The following OPCML variants were observed in gnomAD, a reference collection of about 807,000 sequenced individuals.
OPCML encodes the protein opioid-binding protein/cell adhesion molecule.
Under a neutral mutation model 37.8 loss-of-function variants are expected in OPCML, and 13 were observed. That is an observed-to-expected ratio of 0.34 (90% confidence interval 0.22 to 0.55). OPCML has a LOEUF of 0.55. OPCML is among the 20% of genes least tolerant of loss of function. The pLI, the probability that OPCML is intolerant of heterozygous loss-of-function variation, is 0.91. For missense variants in OPCML, 341 were observed against 435.6 expected, an observed-to-expected ratio of 0.78 and a Z score of 1.93; for synonymous variants, 176 against 168.8, an observed-to-expected ratio of 1.04 and a Z score of -0.33.
At chr11:133,365,657 T>G (rs573532588) in intron 1 of OPCML, 18 of 152,216 alleles carry the variant, frequency 1.2e-4, no homozygotes, top group African/African-American at 4.3e-4. Flanking sequence ...GAACATGAAG[T>G]CTGGGGACAT....
chr11:132,441,165 GTTTT>G (rs68143578), intron 4 of OPCML, among the ~76,000 whole-genome samples: 4 of 72,402 alleles, frequency 5.5e-5, no homozygotes, highest in East Asian at 4.1e-4. Context: ...GGACTTTTTT[GTTTT>G]TTTTTTTTTT....
chr11:132,763,305 A>C (rs2136103679), intron 2 of OPCML, among the ~76,000 whole-genome samples: 1 of 151,834 alleles, frequency 6.6e-6, no homozygotes, highest in Non-Finnish European at 1.5e-5. Context: ...ACATTGATTA[A>C]GTCATTTAAT....
intron 4 of OPCML, among the ~76,000 whole-genome samples, chr11:132,498,102 T>C (rs2096237101): frequency 6.6e-6 from 1 of 152,192 alleles, no homozygotes; most frequent in African/African-American, 2.4e-5. Context: ...ATTTTAACTC[T>C]TGACTGCAAA....
In OPCML at chr11:132,492,041, G is replaced by A. The variant is rs183994597; in HGVS notation, c.505+37020C>T. On this transcript the variant is annotated intron_variant, in intron 4 of 7. Transcript: ENST00000524381. ...AGCATGAGCCATTTGCACAGGGAGA[G>A]AAGGTCACAACCAGAGAAGGAGCAG... Among the ~76,000 whole-genome samples the A allele has an allele frequency of 2.6e-5, 4 of 151,260 alleles. No homozygotes were observed. The Admixed American group carries it at 2.7e-4, about 10-fold the overall frequency.
intron 2 of OPCML, among the ~76,000 whole-genome samples, chr11:132,768,838 G>A (rs1591582883): frequency 6.6e-6 from 1 of 152,114 alleles, no homozygotes; most frequent in African/African-American, 2.4e-5. Context: ...GCTGCCCCTC[G>A]CCAAGCCCAC....
At chr11:133,104,285 T>C (rs1592004660) in intron 1 of OPCML, among the ~76,000 whole-genome samples, 1 of 151,888 alleles carries the variant, frequency 6.6e-6, no homozygotes, top group Admixed American at 6.6e-5. Flanking sequence ...TACGGAAGAG[T>C]CATCATAAAT....
intron 1 of OPCML, among the ~76,000 whole-genome samples, chr11:133,484,382 C>A (rs1217823767): frequency 1.3e-5 from 2 of 151,478 alleles, no homozygotes; most frequent in East Asian, 1.9e-4. Flanking sequence ...TTTCTAAATT[C>A]AAAAAAAATC....
In OPCML at chr11:132,526,612, T is replaced by C. The variant is rs370329868; in HGVS notation, c.505+2449A>G. ...CCACAAAGTAAAAAGCAGCAAAAGA[T>C]TGAATGATGCTCCTGGTAAAAGATC... On this transcript the variant is annotated intron_variant, in intron 4 of 7. Coordinates refer to ENST00000524381, the MANE Select transcript of OPCML (RefSeq NM_001012393.5). Among the ~76,000 whole-genome samples the C allele has an allele frequency of 5.3e-5, 8 of 152,242 alleles. No homozygotes were observed. In the East Asian group the frequency reaches 7.7e-4, roughly 15 times the overall value.
At chr11:132,561,688 C>A (rs570826442) in intron 3 of OPCML, among the ~76,000 whole-genome samples, 1 of 152,230 alleles carries the variant, frequency 6.6e-6, no homozygotes, top group African/African-American at 2.4e-5. Context: ...TCATGTCATA[C>A]TTAATCATTT....
At chr11:133,284,619 G>A (rs1028520375) in intron 1 of OPCML, among the ~76,000 whole-genome samples, 11 of 152,258 alleles carry the variant, frequency 7.2e-5, no homozygotes, top group African/African-American at 1.7e-4. Flanking sequence ...TTTACCTGGC[G>A]TTTTACTTAT....
chr11:132,679,775 T>G (rs1942860573), intron 2 of OPCML, among the ~76,000 whole-genome samples: 1 of 152,144 alleles, frequency 6.6e-6, no homozygotes, highest in South Asian at 2.1e-4. Context: ...AATAAAACTG[T>G]TACAAAAAGG....
At chr11:132,797,519 T>C (rs1425637154) in intron 2 of OPCML, among the ~76,000 whole-genome samples, 1 of 152,168 alleles carries the variant, frequency 6.6e-6, no homozygotes, top group Non-Finnish European at 1.5e-5. Context: ...ATAAAGTGAG[T>C]TTCACTATAA....
chr11:133,040,710 G>C (rs1380246703), intron 1 of OPCML, among the ~76,000 whole-genome samples: 1 of 151,972 alleles, frequency 6.6e-6, no homozygotes, highest in South Asian at 2.1e-4. Flanking sequence ...TGCTTGGGCG[G>C]GGCAGTGAGT....
At chr11:132,441,165 G>GTTTTTTGTTTTTT (rs2096031891) in intron 4 of OPCML, among the ~76,000 whole-genome samples, 12 of 72,402 alleles carry the variant, frequency 1.7e-4, no homozygotes, top group African/African-American at 1.3e-3. Context: ...GGACTTTTTT[G>GTTTTTTGTTTTTT]TTTTTTTTTT....
chr11:133,335,014 T>C (rs1279004801), intron 1 of OPCML, among the ~76,000 whole-genome samples: 2 of 152,330 alleles, frequency 1.3e-5, no homozygotes, highest in East Asian at 3.9e-4. Context: ...ATGTTTCAAC[T>C]TGAACTGTTG....
chr11:133,299,505 A>G (rs1451836333), intron 1 of OPCML: 1 of 152,264 alleles, frequency 6.6e-6, no homozygotes, highest in African/African-American at 2.4e-5. Context: ...ACCATCCACA[A>G]GTTATCAAGA....
At chr11:132,883,563 C>T (rs1943298782) in intron 2 of OPCML, among the ~76,000 whole-genome samples, 1 of 152,066 alleles carries the variant, frequency 6.6e-6, no homozygotes, top group Non-Finnish European at 1.5e-5. Context: ...TCTTATGAAA[C>T]ATGATTTTAT....
chr11:132,482,490 T>A (rs1336952442), intron 4 of OPCML, among the ~76,000 whole-genome samples: 1 of 152,132 alleles, frequency 6.6e-6, no homozygotes, highest in African/African-American at 2.4e-5. Flanking sequence ...CTACCAGAGA[T>A]ACAAGGAGGA....
chr11:132,872,411 A>C (rs2136397501), intron 2 of OPCML, among the ~76,000 whole-genome samples: 1 of 152,270 alleles, frequency 6.6e-6, no homozygotes, highest in East Asian at 1.9e-4. Context: ...TTCCAGGTAC[A>C]TAATCACTCG....
Sources: gnomAD v4.1 joint callset for allele counts (sites outside exome capture counted in the v4.1 genomes callset) on GRCh38, gnomAD v4.1.1 for gene constraint, MANE v1.5 for transcripts, NCBI Gene and HGNC (gene_info 2026-07-23, HGNC 2026-07-21) for gene names.